IL13RA1: variants seen among roughly 807,000 people sequenced by gnomAD.
IL13RA1 encodes interleukin-13 receptor subunit alpha-1.
In IL13RA1, 14 loss-of-function variants were observed where a neutral mutation model predicts 33.8. That is an observed-to-expected ratio of 0.41 (90% confidence interval 0.27 to 0.65). IL13RA1 has a LOEUF of 0.65. Ranked by LOEUF, IL13RA1 falls within the 30% of genes least tolerant of loss-of-function variation. IL13RA1 has a pLI of 0.28. For synonymous variants in IL13RA1, 116 were observed against 115.7 expected (o/e 1.00, Z -0.02); for missense variants, 313 against 327.0 (o/e 0.96, Z 0.33).
chrX:118,748,112 ATATATATAATATTATATAATATATAAT>A, intron 3 of IL13RA1, among the ~76,000 whole-genome samples: 1 of 101,535 alleles, frequency 9.8e-6, no homozygotes, highest in South Asian at 4.0e-4. Context: ...ATTATATGTA[ATATATATAATATTATATAATATATAAT>A]TATATATAAT....
chrX:118,800,791 A>AT, the IL13RA1 span, among the ~76,000 whole-genome samples: 1 of 109,369 alleles, frequency 9.1e-6, no homozygotes, highest in South Asian at 3.9e-4. Flanking sequence ...ATTTTATTTT[A>AT]TTTATTTTTT....
Position 118,790,086 on chromosome X carries a change from C to A in IL13RA1, c.1192-1676C>A, listed in dbSNP as rs182139411. On this transcript the variant is annotated intron_variant, in intron 10 of 10. Transcript: ENST00000371666. ...TATATGCAATTTTGTAACCACTGCT[C>A]CATTAAAAATATAGAATATTTCCAT... Among the ~76,000 whole-genome samples, 3 of 111,945 alleles carry A rather than the reference C, an allele frequency of 2.7e-5. No individual in the cohort carries two copies. In the Admixed American group the frequency reaches 2.9e-4, roughly 11 times the overall value.
intron 1 of IL13RA1, among the ~76,000 whole-genome samples, chrX:118,733,048 G>A (rs746995429): frequency 2.7e-5 from 3 of 112,028 alleles, no homozygotes; most frequent in Non-Finnish European, 5.6e-5. Context: ...CTGTTTATCT[G>A]TCAATGGACA....
At chrX:118,744,215 G>A (rs1443769882) in intron 2 of IL13RA1, among the ~76,000 whole-genome samples, 1 of 110,838 alleles carries the variant, frequency 9.0e-6, no homozygotes, top group Non-Finnish European at 1.9e-5. Context: ...ACTTGACTTG[G>A]CAGTTGTTGA....
chrX:118,734,247 A>G (rs890144385), intron 1 of IL13RA1, among the ~76,000 whole-genome samples: 1 of 112,463 alleles, frequency 8.9e-6, no homozygotes, highest in Non-Finnish European at 1.9e-5. Flanking sequence ...ATACGTGAAC[A>G]TGGGATGTGT....
chrX:118,740,057 C>T (rs751692511), intron 1 of IL13RA1, among the ~76,000 whole-genome samples: 13 of 112,269 alleles, frequency 1.2e-4, no homozygotes, highest in Admixed American at 1.9e-4. Flanking sequence ...CTCAAACTCC[C>T]GGGCTCAAGT....
chrX:118,773,935 G>A lies in IL13RA1; in HGVS notation c.1066G>A (p.Val356Ile), dbSNP rs775001455. 6 of 1,091,967 alleles carry A rather than the reference G, an allele frequency of 5.5e-6. No individual in the cohort carries two copies. In the East Asian group the frequency reaches 9.0e-5, roughly 16 times the overall value. 90.0% of individuals were successfully genotyped at this position (1,091,967 alleles called of 1,213,427 possible). A position where few individuals can be genotyped will look rare whatever the true frequency, so the allele number is the denominator to read the frequency against. The part of the protein sequence containing the change: ...ITMLLIVPVI[V>I]AGAIIVLLLY... ...CATGTTACTCATTGTTCCAGTCATC[G>A]TCGCAGGTGCAATCATAGTACTCCT... Residue 356 changes from valine to isoleucine, a missense_variant, in exon 9 of 11, where the codon GTC (valine) becomes ATC (isoleucine). Physicochemically the swap from Val to Ile is conservative, Grantham distance 29. Transcript: ENST00000371666.
At chrX:118,776,746 G>A (rs2017789352) in intron 10 of IL13RA1, among the ~76,000 whole-genome samples, 1 of 108,747 alleles carries the variant, frequency 9.2e-6, no homozygotes, top group African/African-American at 3.3e-5. Flanking sequence ...AGCCTGGACA[G>A]CATGCCACTG....
chrX:118,770,541 G>C (rs759012799), intron 8 of IL13RA1: 5 of 530,722 alleles, frequency 9.4e-6, no homozygotes, highest in Non-Finnish European at 1.6e-5. Context: ...TCGTGGTGTG[G>C]ATGCGCATGG....
intron 10 of IL13RA1, among the ~76,000 whole-genome samples, chrX:118,776,997 G>GTGTA (rs1174516713): frequency 2.1e-5 from 2 of 97,333 alleles, no homozygotes; most frequent in African/African-American, 7.6e-5. Context: ...ATGTGTGTGT[G>GTGTA]TATATATATA....
chrX:118,802,659 G>T, the IL13RA1 span, among the ~76,000 whole-genome samples: 2 of 111,965 alleles, frequency 1.8e-5, no homozygotes, highest in East Asian at 2.8e-4. Flanking sequence ...AGTAACTTTT[G>T]ATTGTTTTGG....
chrX:118,782,457 C>A (rs1003754250), intron 10 of IL13RA1, among the ~76,000 whole-genome samples: 3 of 111,988 alleles, frequency 2.7e-5, no homozygotes, highest in Non-Finnish European at 5.6e-5. Context: ...TTCTGAAATT[C>A]AGTTCCTACT....
Position 118,776,469 on chromosome X carries a change from G to C in IL13RA1, c.1149G>C (p.Lys383Asn), listed in dbSNP as rs1187754550. 1.1e-6 allele frequency: 1 copy of C among 913,740 alleles called. No individual in the cohort carries two copies. The highest frequency in any genetic ancestry group is 4.0e-5 in the East Asian group (1 of 25,223). The allele number at this position is 913,740 out of a possible 1,213,427, so 75.3% of individuals were successfully genotyped here. The change falls in exon 10 of 11, where the codon AAG (lysine) becomes AAC (asparagine). Residue 383 changes from lysine to asparagine, a missense_variant. Lys to Asn is a moderately conservative substitution (Grantham distance 94). Transcript: ENST00000371666. ...TCCCTCCAATTCCTGATCCTGGCAA[G>C]ATTTTTAAAGAAATGTTTGGAGACC... ...IIFPPIPDPG[K>N]IFKEMFGDQN...
intron 10 of IL13RA1, among the ~76,000 whole-genome samples, chrX:118,785,794 C>T (rs147421159): frequency 0.073 from 8,002 of 110,261 alleles, 702 homozygotes; most frequent in African/African-American, 0.24. Context: ...GGTCTCGAAC[C>T]CCTGACCTCA....
At chrX:118,750,477 T>G (rs947594119) in intron 4 of IL13RA1, among the ~76,000 whole-genome samples, 2 of 111,600 alleles carry the variant, frequency 1.8e-5, no homozygotes, top group Non-Finnish European at 3.8e-5. Context: ...CTCAGTAGTA[T>G]TCCATGATAT....
At chrX:118,784,090 A>AAAAATATATAT (rs1556372973) in intron 10 of IL13RA1, among the ~76,000 whole-genome samples, 1 of 63,955 alleles carries the variant, frequency 1.6e-5, no homozygotes, top group African/African-American at 7.4e-5. Flanking sequence ...AAAAAAAAAA[A>AAAAATATATAT]ATATATATAT....
chrX:118,803,913 CCTTCCTTCCTCT>C, the IL13RA1 span, among the ~76,000 whole-genome samples: 60 of 61,487 alleles, frequency 9.8e-4, no homozygotes, highest in Non-Finnish European at 1.2e-3. Context: ...TTCCTTCCTT[CCTTCCTTCCTCT>C]CTCTCTTTTT....
chrX:118,739,685 A>AG (rs1431562342), intron 1 of IL13RA1, among the ~76,000 whole-genome samples: 1 of 111,091 alleles, frequency 9.0e-6, no homozygotes, highest in Non-Finnish European at 1.9e-5. Flanking sequence ...GTCTCAGGAG[A>AG]ACTTCTCAGG....
rs780028568 is a variant in IL13RA1, at chrX:118,752,743, A to T, written c.488+2965A>T. ...AAGTTGTGAATGTTTGGTAGGATCCAAAGCTAGAGAATATTCAGGGTTGCG... is the reference window on the plus strand; with the variant it reads ...AAGTTGTGAATGTTTGGTAGGATCCTAAGCTAGAGAATATTCAGGGTTGCG... On this transcript the variant is annotated intron_variant, in intron 4 of 10. Transcript: ENST00000371666. 3.6e-5 allele frequency among the ~76,000 whole-genome samples: 4 copies of T among 112,493 alleles called. No individual in the cohort carries two copies. The South Asian group carries it at 1.5e-3, about 41-fold the overall frequency.
Sources: gnomAD v4.1 joint callset for allele counts (sites outside exome capture counted in the v4.1 genomes callset) on GRCh38, gnomAD v4.1.1 for gene constraint, MANE v1.5 for transcripts, NCBI Gene and HGNC (gene_info 2026-07-23, HGNC 2026-07-21) for gene names.